The following RCAN2 variants were observed in gnomAD, a reference collection of about 807,000 sequenced individuals.
The protein encoded by RCAN2 is regulator of calcineurin 2.
In RCAN2, 9 loss-of-function variants were observed where a neutral mutation model predicts 23.6. The ratio of observed to expected loss-of-function variants is 0.38; its 90% CI spans 0.23 to 0.67. The LOEUF (loss-of-function observed/expected upper bound fraction) is 0.67. Ranked by LOEUF, RCAN2 falls within the 30% of genes least tolerant of loss-of-function variation. The pLI is 0.51. For missense variants in RCAN2, 273 were observed against 302.3 expected (o/e 0.90, Z 0.72); for synonymous variants, 109 against 115.7 (o/e 0.94, Z 0.37).
chr6:46,389,451 C>T (rs151111698), intron 2 of RCAN2, among the ~76,000 whole-genome samples: 1 of 152,330 alleles, frequency 6.6e-6, no homozygotes, highest in East Asian at 1.9e-4. Context: ...CACTCTCAAT[C>T]CTCCATGCCC....
intron 1 of RCAN2, among the ~76,000 whole-genome samples, chr6:46,464,384 A>G (rs980866094): frequency 6.6e-6 from 1 of 152,178 alleles, no homozygotes; most frequent in Admixed American, 6.5e-5. Context: ...TTACAATTAA[A>G]TTTTATTATC....
chr6:46,262,401 C>T (rs1042387526), intron 2 of RCAN2, among the ~76,000 whole-genome samples: 1 of 152,068 alleles, frequency 6.6e-6, no homozygotes, highest in Non-Finnish European at 1.5e-5. Context: ...TCTCCCTGGT[C>T]TCTGTCTGGC....
intron 3 of RCAN2, among the ~76,000 whole-genome samples, chr6:46,247,245 T>C (rs772966907): frequency 1.3e-5 from 2 of 152,164 alleles, no homozygotes; most frequent in Non-Finnish European, 2.9e-5. Flanking sequence ...CCCCAGGCTA[T>C]GCTGTTGGCT....
At chr6:46,396,406 G>A (rs1766088282) in intron 2 of RCAN2, among the ~76,000 whole-genome samples, 1 of 152,316 alleles carries the variant, frequency 6.6e-6, no homozygotes, top group South Asian at 2.1e-4. Flanking sequence ...AGAGTTGGAG[G>A]TGAGGGCTAG....
At position 46,491,002 on chromosome 6, in the gene RCAN2, C is replaced by CAT. The variant is rs1332709064; in HGVS notation, c.-3+170_-3+171insAT. Among the ~76,000 whole-genome samples the CAT allele has an allele frequency of 1.6e-3, 203 of 127,488 alleles. 2 individuals carry two copies. The highest frequency in any genetic ancestry group is 0.011 in the Admixed American group (149 of 13,158). The allele number at this position is 127,488 out of a possible 152,430, so 83.6% of individuals were successfully genotyped here. A position where few individuals can be genotyped will look rare whatever the true frequency, so the allele number is the denominator to read the frequency against. On this transcript the variant is annotated intron_variant, in intron 1 of 4. Transcript: ENST00000371374. ...GAGACAAACCCCACCCCCGCCACTG[C>CAT]CCCCACCCCCGCCACCGCCCCCGCC...
chr6:46,430,254 G>A (rs932779829), intron 2 of RCAN2, among the ~76,000 whole-genome samples: 1 of 152,136 alleles, frequency 6.6e-6, no homozygotes. Context: ...TCAAATAGGA[G>A]AGATATTTAG....
intron 2 of RCAN2, among the ~76,000 whole-genome samples, chr6:46,354,827 C>G (rs945823362): frequency 3.3e-5 from 5 of 151,516 alleles, no homozygotes; most frequent in African/African-American, 1.2e-4. Flanking sequence ...AATTATTGAA[C>G]AAAATATTTA....
chr6:46,288,425 G>T (rs939405473), intron 2 of RCAN2, among the ~76,000 whole-genome samples: 3 of 152,308 alleles, frequency 2.0e-5, no homozygotes, highest in South Asian at 4.1e-4. Flanking sequence ...TGCCCCAGCT[G>T]CCCATTTTAA....
chr6:46,367,022 G>GAGATATATATATATATATATAT (rs1423954723), intron 2 of RCAN2, among the ~76,000 whole-genome samples: 1 of 59,690 alleles, frequency 1.7e-5, no homozygotes, highest in African/African-American at 4.8e-5. Flanking sequence ...ATCTGGGATG[G>GAGATATATATATATATATATAT]ATATATATAT....
At chr6:46,238,472 A>G (rs1766186096) in intron 4 of RCAN2, among the ~76,000 whole-genome samples, 1 of 152,206 alleles carries the variant, frequency 6.6e-6, no homozygotes, top group South Asian at 2.1e-4. Context: ...ATGTACTGCA[A>G]TGTGTAGGAC....
intron 2 of RCAN2, among the ~76,000 whole-genome samples, chr6:46,404,064 A>G (rs986886884): frequency 6.6e-6 from 1 of 152,204 alleles, no homozygotes; most frequent in Non-Finnish European, 1.5e-5. Flanking sequence ...TCTACTAAAA[A>G]TACAAAAATT....
At chr6:46,411,230 C>A (rs1766542393) in intron 2 of RCAN2, among the ~76,000 whole-genome samples, 1 of 152,148 alleles carries the variant, frequency 6.6e-6, no homozygotes. Context: ...CATGGATGAA[C>A]CCTGAAGACA....
At chr6:46,275,975 AG>A (rs907102668) in intron 2 of RCAN2, among the ~76,000 whole-genome samples, 1 of 152,140 alleles carries the variant, frequency 6.6e-6, no homozygotes, top group African/African-American at 2.4e-5. Flanking sequence ...TGGGAGGCCA[AG>A]GGGGGTGGAT....
At chr6:46,399,432 CA>C (rs987457504) in intron 2 of RCAN2, among the ~76,000 whole-genome samples, 1 of 150,454 alleles carries the variant, frequency 6.6e-6, no homozygotes, top group African/African-American at 2.4e-5. Flanking sequence ...TGTTACAACC[CA>C]AATCTGTTAA....
intron 1 of RCAN2, among the ~76,000 whole-genome samples, chr6:46,463,695 A>T (rs555971278): frequency 4.7e-4 from 71 of 152,240 alleles, no homozygotes; most frequent in Non-Finnish European, 8.5e-4. Context: ...CAGAGTTTAA[A>T]TCTTAAATTT....
At chr6:46,234,011 G>A (rs1458363455) in intron 4 of RCAN2, among the ~76,000 whole-genome samples, 3 of 152,146 alleles carry the variant, frequency 2.0e-5, no homozygotes, top group African/African-American at 7.2e-5. Flanking sequence ...TTACAGGCGT[G>A]AGCCACCGTG....
At chr6:46,292,526 C>T (rs1348288882) in intron 2 of RCAN2, among the ~76,000 whole-genome samples, 4 of 147,408 alleles carry the variant, frequency 2.7e-5, no homozygotes, top group Non-Finnish European at 4.4e-5. Flanking sequence ...TTAATGTTAG[C>T]ATATAATTGA....
chr6:46,460,082 G>A (rs1222612570), intron 1 of RCAN2, among the ~76,000 whole-genome samples: 1 of 151,742 alleles, frequency 6.6e-6, no homozygotes, highest in Non-Finnish European at 1.5e-5. Context: ...TTTTCAGAGA[G>A]GGTCTTGCTC....
Position 46,230,742 on chromosome 6 carries a change from C to T in RCAN2, c.572-7441G>A, listed in dbSNP as rs146169225. Among the ~76,000 whole-genome samples the T allele has an allele frequency of 4.1e-4, 63 of 152,290 alleles. No individual in the cohort carries two copies. In the East Asian group the frequency reaches 0.011, roughly 27 times the overall value. ...GTGCTTCCTGGGTGAGGTGATGCCC[C>T]ACCCTGCTCTGTGGGCTGCACCCAC... On this transcript the variant is annotated intron_variant, in intron 4 of 4. Coordinates refer to ENST00000371374, the MANE Select transcript of RCAN2 (RefSeq NM_001251974.2).
Sources: allele counts gnomAD v4.1 joint callset (sites outside exome capture counted in the v4.1 genomes callset), GRCh38; gene constraint gnomAD v4.1.1; transcripts MANE v1.5; gene names NCBI Gene and HGNC (gene_info 2026-07-23, HGNC 2026-07-21).